The following CHRNA5 variants were observed in gnomAD, a reference collection of about 807,000 sequenced individuals.
CHRNA5 encodes cholinergic receptor nicotinic alpha 5 subunit.
A neutral mutation model predicts 41.2 loss-of-function variants in CHRNA5; 28 were observed. The observed-to-expected ratio is 0.68, with a 90% CI of 0.50 to 0.93. CHRNA5 has a LOEUF of 0.93. Ranked by LOEUF, CHRNA5 falls within the 40% of genes least tolerant of loss-of-function variation. The pLI is 0.00. For missense variants in CHRNA5, 481 were observed against 581.9 expected, an observed-to-expected ratio of 0.83 and a Z score of 1.78; for synonymous variants, 188 against 205.8, an observed-to-expected ratio of 0.91 and a Z score of 0.74.
chr15:78,590,325 C>G, exon 5 of CHRNA5: 1 of 1,614,124 alleles, frequency 6.2e-7, no homozygotes, highest in Non-Finnish European at 8.5e-7. Context: ...AGTCATACCT[C>G]TAATTGGAGA....
exon 1 of CHRNA5, chr15:78,565,742 C>T: frequency 1.7e-6 from 2 of 1,196,304 alleles, no homozygotes; most frequent in East Asian, 3.5e-5. Flanking sequence ...GGGTCAGGGC[C>T]CCGCGCGCTC....
intron 1 of CHRNA5, among the ~76,000 whole-genome samples, chr15:78,577,849 T>G (rs1043329172): frequency 2.7e-5 from 4 of 150,128 alleles, no homozygotes; most frequent in African/African-American, 9.8e-5. Context: ...GAGGATCGCT[T>G]GAGTCCAGGA....
In CHRNA5 at chr15:78,590,305, CA is replaced by C; in HGVS notation, c.915del (p.Ser306LeufsTer7). 6.2e-7 allele frequency: 1 copy of C among 1,613,972 alleles called. No individual in the cohort carries two copies. On this transcript the variant is annotated frameshift_variant, in exon 5 of 6. Transcript: ENST00000299565. LOFTEE classifies it high-confidence loss of function. ...CTGGTTATTGAAGAGATCATACCAT[CA>C]TCTTCAAAAGTCATACCTCTAATTG...
chr15:78,574,441 AG>A, intron 1 of CHRNA5, among the ~76,000 whole-genome samples: 1 of 151,902 alleles, frequency 6.6e-6, no homozygotes, highest in South Asian at 2.1e-4. Flanking sequence ...TTAGTGAAGA[AG>A]GTTTTTTTAA....
At chr15:78,587,305 G>A (rs1166302604) in intron 3 of CHRNA5, among the ~76,000 whole-genome samples, 1 of 152,150 alleles carries the variant, frequency 6.6e-6, no homozygotes, top group Non-Finnish European at 1.5e-5. Flanking sequence ...TGGAAAAGAA[G>A]ATAGGGAGTA....
chr15:78,571,982 A>AT (rs914874732), intron 1 of CHRNA5, among the ~76,000 whole-genome samples: 19 of 151,156 alleles, frequency 1.3e-4, no homozygotes, highest in East Asian at 9.7e-4. Flanking sequence ...TGCAAAGAGG[A>AT]TTTTTTTTTC....
rs375192419 is a variant in CHRNA5 at position 78,589,822 on chromosome 15, A to G, written c.431A>G (p.Glu144Gly). Residue 144 changes from glutamate to glycine, a missense_variant, in exon 5 of 6, where the codon GAA becomes GGA. By Grantham distance (98) the Glu-to-Gly change is moderately conservative (BLOSUM62 -2). Coordinates refer to ENST00000299565, the Ensembl canonical transcript of CHRNA5. ...TATTTTAGTGCAGATGGACGTTTTG[A>G]AGGGACCAGTACGAAAACAGTCATC... 5.0e-6 allele frequency: 8 copies of G among 1,584,548 alleles called. No individual in the cohort carries two copies. In the African/African-American group the frequency reaches 1.1e-4, roughly 22 times the overall value.
chr15:78,576,756 G>A (rs2052860944), intron 1 of CHRNA5, among the ~76,000 whole-genome samples: 1 of 148,670 alleles, frequency 6.7e-6, no homozygotes, highest in Non-Finnish European at 1.5e-5. Flanking sequence ...CCGTGATGGC[G>A]CCATTGCACT....
chr15:78,587,515 A>C (rs1296701471), intron 3 of CHRNA5, among the ~76,000 whole-genome samples: 1 of 152,086 alleles, frequency 6.6e-6, no homozygotes, highest in Admixed American at 6.6e-5. Context: ...CAAGGAGGCC[A>C]GTGTGGCTAG....
At chr15:78,577,478 G>A (rs1437902702) in intron 1 of CHRNA5, among the ~76,000 whole-genome samples, 2 of 152,152 alleles carry the variant, frequency 1.3e-5, no homozygotes, top group Non-Finnish European at 2.9e-5. Flanking sequence ...GATGTATTAC[G>A]AAGATATTCA....
rs1264020276 is a variant in CHRNA5 at position 78,580,978 on chromosome 15, C to A, written c.258+16C>A. ...GGTGGATGTGGTAGGTGTGCATATC[C>A]TTCTATAGTCAATTTCCCACAGATT... is the stretch of plus-strand genomic sequence containing the variant. On this transcript the variant is annotated intron_variant, in intron 2 of 5. Transcript: ENST00000299565. The A allele has an allele frequency of 1.2e-6, 2 of 1,606,072 alleles. No homozygotes were observed. Among genetic ancestry groups the A allele is most frequent in the Admixed American group, 1.7e-5 (1 of 59,614 alleles).
At chr15:78,592,278 C>T (rs775458987) in intron 5 of CHRNA5, among the ~76,000 whole-genome samples, 4 of 152,174 alleles carry the variant, frequency 2.6e-5, no homozygotes, top group East Asian at 3.8e-4. Context: ...GCCGAGGTCA[C>T]GCCACTGCAC....
chr15:78,566,316 A>T (rs1362690800), intron 1 of CHRNA5, among the ~76,000 whole-genome samples: 3 of 152,104 alleles, frequency 2.0e-5, no homozygotes, highest in Non-Finnish European at 4.4e-5. Context: ...CCGGAGATGA[A>T]AGGTGTGTGT....
intron 1 of CHRNA5, among the ~76,000 whole-genome samples, chr15:78,580,523 C>G (rs1818162578): frequency 6.6e-6 from 1 of 152,120 alleles, no homozygotes; most frequent in Non-Finnish European, 1.5e-5. Context: ...TGAGACGTAT[C>G]TGAACCAGAG....
chr15:78,574,746 G>A (rs922598586), intron 1 of CHRNA5, among the ~76,000 whole-genome samples: 2 of 152,004 alleles, frequency 1.3e-5, no homozygotes, highest in South Asian at 2.1e-4. Flanking sequence ...TTGGGAGGCC[G>A]AGACAGGTGG....
At chr15:78,582,829 A>T (rs1308633871) in intron 2 of CHRNA5, among the ~76,000 whole-genome samples, 1 of 151,872 alleles carries the variant, frequency 6.6e-6, no homozygotes, top group Non-Finnish European at 1.5e-5. Flanking sequence ...GAGCCCTGGC[A>T]TACAGGAGTG....
In CHRNA5 at chr15:78,567,110, G is replaced by A. The variant is rs527732290; in HGVS notation, c.106+1285G>A. ...TACTAAAAATACAAAAAAATTAGCC[G>A]GGCGTGGTGGTGCGCGCCTGTAGTC... On this transcript the variant is annotated intron_variant, in intron 1 of 5. Transcript: ENST00000299565. Among the ~76,000 whole-genome samples, 30 of 152,060 alleles carry A rather than the reference G, an allele frequency of 2.0e-4. 1 individual carries two copies. Among genetic ancestry groups the A allele is most frequent in the Admixed American group, 1.6e-3 (25 of 15,280 alleles).
intron 1 of CHRNA5, among the ~76,000 whole-genome samples, chr15:78,566,252 C>G (rs2052746131): frequency 6.6e-6 from 1 of 152,164 alleles, no homozygotes. Context: ...CCCGCCGCCT[C>G]TTCCTCCATC....
intron 1 of CHRNA5, among the ~76,000 whole-genome samples, chr15:78,567,619 T>G (rs961920213): frequency 1.3e-5 from 2 of 152,194 alleles, no homozygotes; most frequent in African/African-American, 4.8e-5. Context: ...CCACGTAAGC[T>G]CCTTAAGAAC....
Sources: gnomAD v4.1 joint callset for allele counts (sites outside exome capture counted in the v4.1 genomes callset) on GRCh38, gnomAD v4.1.1 for gene constraint, MANE v1.5 for transcripts, NCBI Gene and HGNC (gene_info 2026-07-23, HGNC 2026-07-21) for gene names.